CFAP95: variants seen among roughly 807,000 people sequenced by gnomAD.
CFAP95 encodes the protein cilia and flagella associated protein 95.
At chr9:69,862,442 A>T in the CFAP95 span, among the ~76,000 whole-genome samples, 2 of 152,188 alleles carry the variant, frequency 1.3e-5, no homozygotes, top group Admixed American at 1.3e-4. Context: ...CAGTTAATAT[A>T]CACTAATTAT....
At chr9:69,869,751 A>AC in the CFAP95 span, among the ~76,000 whole-genome samples, 19 of 150,412 alleles carry the variant, frequency 1.3e-4, no homozygotes, top group South Asian at 4.2e-4. Flanking sequence ...ATAAAAAAAA[A>AC]CCCCAAATTG....
chr9:69,867,810 C>A, the CFAP95 span, among the ~76,000 whole-genome samples: 2 of 152,192 alleles, frequency 1.3e-5, no homozygotes, highest in Non-Finnish European at 2.9e-5. Flanking sequence ...AGCTCTCAGA[C>A]AATAGTCAAA....
chr9:69,857,321 A>C, the CFAP95 span, among the ~76,000 whole-genome samples: 2 of 152,222 alleles, frequency 1.3e-5, no homozygotes, highest in African/African-American at 4.8e-5. Flanking sequence ...GCATCCTGGC[A>C]CAGTGCCTCC....
the CFAP95 span, among the ~76,000 whole-genome samples, chr9:69,831,702 A>G: frequency 8.5e-5 from 13 of 152,190 alleles, no homozygotes; most frequent in African/African-American, 2.9e-4. Flanking sequence ...AGCTTTTCAG[A>G]GGAGGTTCAC....
the CFAP95 span, among the ~76,000 whole-genome samples, chr9:69,868,180 G>A: frequency 6.6e-6 from 1 of 151,978 alleles, no homozygotes; most frequent in East Asian, 1.9e-4. Context: ...AACTCAAAAT[G>A]GATTAAAGAT....
the CFAP95 span, among the ~76,000 whole-genome samples, chr9:69,841,501 A>T: frequency 6.6e-6 from 1 of 152,074 alleles, no homozygotes; most frequent in Non-Finnish European, 1.5e-5. Context: ...GCAAATGAAG[A>T]ATTCATGGAC....
the CFAP95 span, among the ~76,000 whole-genome samples, chr9:69,876,177 T>C: frequency 6.6e-6 from 1 of 152,244 alleles, no homozygotes; most frequent in Admixed American, 6.5e-5. Flanking sequence ...ATCTAATAGA[T>C]ATTACATGGC....
the CFAP95 span, chr9:69,856,521 T>G: frequency 3.8e-6 from 5 of 1,327,716 alleles, no homozygotes; most frequent in Non-Finnish European, 5.3e-6. Context: ...TAGTGAAAAT[T>G]CATTTTTCTT....
the CFAP95 span, among the ~76,000 whole-genome samples, chr9:69,900,248 G>A: frequency 6.6e-6 from 1 of 151,998 alleles, no homozygotes; most frequent in Non-Finnish European, 1.5e-5. Context: ...CCTGAAAAAA[G>A]TATATTTTTC....
chr9:69,858,659 TATTGATCG>T, the CFAP95 span, among the ~76,000 whole-genome samples: 14 of 152,218 alleles, frequency 9.2e-5, no homozygotes, highest in Non-Finnish European at 1.8e-4. Context: ...CAAAGTTTTA[TATTGATCG>T]ATTGGTGAAA....
the CFAP95 span, among the ~76,000 whole-genome samples, chr9:69,824,442 T>C: frequency 6.6e-6 from 1 of 152,152 alleles, no homozygotes; most frequent in African/African-American, 2.4e-5. Flanking sequence ...GCAAAAAAAT[T>C]TGAGTTGCCC....
chr9:69,875,996 A>G, the CFAP95 span, among the ~76,000 whole-genome samples: 1 of 152,226 alleles, frequency 6.6e-6, no homozygotes, highest in African/African-American at 2.4e-5. Flanking sequence ...TATTACAATT[A>G]TAAATCACCA....
the CFAP95 span, among the ~76,000 whole-genome samples, chr9:69,845,310 G>A: frequency 6.6e-6 from 1 of 152,150 alleles, no homozygotes; most frequent in Non-Finnish European, 1.5e-5. Flanking sequence ...CCCAAATTGG[G>A]TCCTACAATG....
the CFAP95 span, among the ~76,000 whole-genome samples, chr9:69,848,824 A>G: frequency 5.9e-5 from 9 of 152,182 alleles, no homozygotes; most frequent in African/African-American, 2.2e-4. Context: ...TAATTACCTC[A>G]GTGAAAATCC....
the CFAP95 span, among the ~76,000 whole-genome samples, chr9:69,849,497 G>T: frequency 4.7e-4 from 72 of 152,258 alleles, 1 homozygote; most frequent in African/African-American, 1.7e-3. Flanking sequence ...TCAAAAATTG[G>T]TGCCTGTATA....
the CFAP95 span, among the ~76,000 whole-genome samples, chr9:69,874,411 G>A: frequency 1.6e-4 from 24 of 152,176 alleles, no homozygotes; most frequent in Non-Finnish European, 2.6e-4. Flanking sequence ...TGATTACAAT[G>A]ATTAATGGCC....
At chr9:69,870,561 C>T in the CFAP95 span, among the ~76,000 whole-genome samples, 1 of 152,234 alleles carries the variant, frequency 6.6e-6, no homozygotes. Flanking sequence ...AATCCCCATT[C>T]TGTTCCACAA....
the CFAP95 span, among the ~76,000 whole-genome samples, chr9:69,864,297 T>TTG: frequency 5.7e-3 from 861 of 151,128 alleles, 11 homozygotes; most frequent in African/African-American, 0.02. Flanking sequence ...CTTTTGGAAA[T>TTG]TGTGTGTGTG....
the CFAP95 span, among the ~76,000 whole-genome samples, chr9:69,843,505 C>CCA: frequency 2.1e-3 from 8 of 3,836 alleles, no homozygotes; most frequent in African/African-American, 6.6e-3. Flanking sequence ...CCTCCTCCCC[C>CCA]CCTCCTCCTC....
Sources: allele counts gnomAD v4.1 joint callset (sites outside exome capture counted in the v4.1 genomes callset), GRCh38; gene constraint gnomAD v4.1.1; transcripts MANE v1.5; gene names NCBI Gene and HGNC (gene_info 2026-07-23, HGNC 2026-07-21).